NRXN1: variants seen among roughly 807,000 people sequenced by gnomAD.
NRXN1 encodes neurexin-1.
A neutral mutation model predicts 150.9 loss-of-function variants in NRXN1; 39 were observed. The observed-to-expected ratio is 0.26, with a 90% CI of 0.20 to 0.34. The LOEUF (loss-of-function observed/expected upper bound fraction) is 0.34, where lower values mean the gene tolerates loss of function less well. NRXN1 is among the 10% of genes least tolerant of loss of function. The probability of loss-of-function intolerance (pLI) is 1.00; values close to 1 mark genes in which losing one functional copy is unlikely to be tolerated. For synonymous variants in NRXN1, 924 were observed against 757.0 expected (o/e 1.22, Z -3.62); for missense variants, 1,815 against 1,949.9 (o/e 0.93, Z 1.30).
At chr2:50,903,949 A>T (rs1210294589) in intron 5 of NRXN1, among the ~76,000 whole-genome samples, 1 of 152,208 alleles carries the variant, frequency 6.6e-6, no homozygotes, top group Non-Finnish European at 1.5e-5. Context: ...TTTTAAAATA[A>T]GAGACCCTTC....
chr2:50,327,610 C>T (rs894212625), intron 17 of NRXN1, among the ~76,000 whole-genome samples: 2 of 151,162 alleles, frequency 1.3e-5, no homozygotes, highest in African/African-American at 4.9e-5. Flanking sequence ...TTTTCTTCTC[C>T]CTCCCTCCCT....
intron 21 of NRXN1, among the ~76,000 whole-genome samples, chr2:50,008,716 T>C (rs921456614): frequency 6.6e-6 from 1 of 152,100 alleles, no homozygotes; most frequent in Non-Finnish European, 1.5e-5. Context: ...CAGATCGAGT[T>C]TTTAAAACCC....
intron 17 of NRXN1, among the ~76,000 whole-genome samples, chr2:50,320,805 C>T (rs1042726100): frequency 1.3e-5 from 2 of 152,124 alleles, no homozygotes; most frequent in African/African-American, 4.8e-5. Flanking sequence ...GTACCACAAA[C>T]ACTTTGAAGT....
chr2:51,011,085 T>C (rs1325032785), intron 2 of NRXN1, among the ~76,000 whole-genome samples: 2 of 152,062 alleles, frequency 1.3e-5, no homozygotes, highest in African/African-American at 2.4e-5. Context: ...GATGGCGCTT[T>C]TTAATATTTT....
intron 12 of NRXN1, among the ~76,000 whole-genome samples, chr2:50,517,398 GT>G (rs2092661694): frequency 1.0e-5 from 1 of 95,308 alleles, no homozygotes; most frequent in Non-Finnish European, 2.3e-5. Context: ...GTTTATTTGT[GT>G]AAACTTTGTG....
chr2:50,063,240 A>G (rs1694828679), intron 19 of NRXN1, among the ~76,000 whole-genome samples: 1 of 152,170 alleles, frequency 6.6e-6, no homozygotes, highest in African/African-American at 2.4e-5. Flanking sequence ...AAATAAATAG[A>G]TTTTGAATAT....
intron 5 of NRXN1, among the ~76,000 whole-genome samples, chr2:50,759,426 A>C (rs1238801549): frequency 6.6e-6 from 1 of 151,910 alleles, no homozygotes; most frequent in Non-Finnish European, 1.5e-5. Context: ...GATAACTAGC[A>C]TAAAAGGAAT....
At chr2:49,955,794 G>T (rs1453609513) in intron 21 of NRXN1, among the ~76,000 whole-genome samples, 1 of 151,832 alleles carries the variant, frequency 6.6e-6, no homozygotes, top group African/African-American at 2.4e-5. Flanking sequence ...TCCTGAAAGA[G>T]GCCAGCCATA....
At chr2:50,340,214 G>C (rs930964967) in intron 17 of NRXN1, among the ~76,000 whole-genome samples, 1 of 152,152 alleles carries the variant, frequency 6.6e-6, no homozygotes, top group Non-Finnish European at 1.5e-5. Context: ...TTAAAAGATA[G>C]CTGTTTTCAC....
chr2:50,732,802 T>C (rs973386199), intron 5 of NRXN1, among the ~76,000 whole-genome samples: 7 of 152,138 alleles, frequency 4.6e-5, no homozygotes, highest in African/African-American at 1.7e-4. Context: ...ATCTATAGCA[T>C]CCGGCTTGCT....
chr2:50,122,368 T>A (rs1020495207), intron 18 of NRXN1, among the ~76,000 whole-genome samples: 1 of 152,232 alleles, frequency 6.6e-6, no homozygotes. Flanking sequence ...CCTAAGGAGC[T>A]GTATTAATGA....
chr2:50,498,770 C>T lies in NRXN1; in HGVS notation c.2498-1056G>A, dbSNP rs139797097. 1.2e-4 allele frequency among the ~76,000 whole-genome samples: 19 copies of T among 152,142 alleles called. No homozygotes were observed. The East Asian group carries it at 2.5e-3, about 20-fold the overall frequency. On this transcript the variant is annotated intron_variant, in intron 13 of 22. Coordinates refer to ENST00000401669, the MANE Select transcript of NRXN1 (RefSeq NM_001330078.2). ...TTGTATCAGTACCAGTGATTCACAC[C>T]CAACATCTTGCTCTTGTCTAAATAA... is the stretch of plus-strand genomic sequence containing the variant.
intron 21 of NRXN1, among the ~76,000 whole-genome samples, chr2:49,953,187 G>A (rs1242513341): frequency 6.6e-6 from 1 of 152,100 alleles, no homozygotes; most frequent in Non-Finnish European, 1.5e-5. Flanking sequence ...ATATGGATGT[G>A]GCTGGAAATA....
At chr2:50,013,585 A>T (rs190493973) in intron 21 of NRXN1, among the ~76,000 whole-genome samples, 143 of 152,278 alleles carry the variant, frequency 9.4e-4, no homozygotes, top group Admixed American at 1.6e-3. Flanking sequence ...ACATGTATTT[A>T]TGAAGAGTCT....
chr2:50,731,258 G>A (rs1698066553), intron 5 of NRXN1, among the ~76,000 whole-genome samples: 1 of 152,046 alleles, frequency 6.6e-6, no homozygotes, highest in African/African-American at 2.4e-5. Flanking sequence ...ATAAAACATA[G>A]GGATCAAACT....
At chr2:50,826,782 G>C (rs1275951140) in intron 5 of NRXN1, among the ~76,000 whole-genome samples, 1 of 152,178 alleles carries the variant, frequency 6.6e-6, no homozygotes, top group Non-Finnish European at 1.5e-5. Context: ...ATAGCTCTTA[G>C]ACATCCCAGT....
At chr2:50,967,618 C>T (rs1228296350) in intron 2 of NRXN1, among the ~76,000 whole-genome samples, 2 of 151,910 alleles carry the variant, frequency 1.3e-5, no homozygotes, top group African/African-American at 4.8e-5. Context: ...TGATTTTTAG[C>T]ACAGAAATTA....
intron 2 of NRXN1, among the ~76,000 whole-genome samples, chr2:50,951,530 C>T (rs1691334521): frequency 6.6e-6 from 1 of 152,024 alleles, no homozygotes; most frequent in Non-Finnish European, 1.5e-5. Context: ...CAGAATACAA[C>T]AACTATGCAA....
chr2:50,489,054 T>C (rs1451270682), intron 15 of NRXN1, among the ~76,000 whole-genome samples: 2 of 152,162 alleles, frequency 1.3e-5, no homozygotes, highest in Admixed American at 6.5e-5. Flanking sequence ...CTAATCACCA[T>C]CCTGCTGGGA....
Sources: gnomAD v4.1 joint callset for allele counts (sites outside exome capture counted in the v4.1 genomes callset) on GRCh38, gnomAD v4.1.1 for gene constraint, MANE v1.5 for transcripts, NCBI Gene and HGNC (gene_info 2026-07-23, HGNC 2026-07-21) for gene names.